The following CCDC13 variants were observed in gnomAD, a reference collection of about 807,000 sequenced individuals.
The protein encoded by CCDC13 is coiled-coil domain-containing protein 13.
Under a neutral mutation model 87.3 loss-of-function variants are expected in CCDC13, and 70 were observed. That is an observed-to-expected ratio of 0.80 (90% CI 0.66 to 0.98). The LOEUF (loss-of-function observed/expected upper bound fraction) is 0.98, where lower values mean the gene tolerates loss of function less well. CCDC13 is among the 50% of genes least tolerant of loss of function. The probability of loss-of-function intolerance (pLI) is 0.00; values close to 1 mark genes in which losing one functional copy is unlikely to be tolerated. For missense variants in CCDC13, 842 were observed against 892.0 expected (o/e 0.94, Z 0.71); for synonymous variants, 317 against 360.3 (o/e 0.88, Z 1.36).
intron 7 of CCDC13, among the ~76,000 whole-genome samples, chr3:42,744,599 A>T (rs1317083635): frequency 1.3e-5 from 2 of 151,996 alleles, no homozygotes; most frequent in African/African-American, 4.8e-5. Context: ...AGGTCAGGAG[A>T]TCGAGACCAT....
chr3:42,765,194 T>C (rs1699905662), intron 1 of CCDC13, among the ~76,000 whole-genome samples: 1 of 152,166 alleles, frequency 6.6e-6, no homozygotes, highest in Non-Finnish European at 1.5e-5. Flanking sequence ...TGAGATTAAG[T>C]GGAAGAATGC....
intron 1 of CCDC13, among the ~76,000 whole-genome samples, chr3:42,770,060 C>T (rs775451478): frequency 6.6e-6 from 1 of 152,266 alleles, no homozygotes; most frequent in African/African-American, 2.4e-5. Context: ...GGGCACACAG[C>T]GGGACTGGCC....
rs17074766 is a variant in CCDC13 at position 42,711,800 on chromosome 3, T to C, written c.1873+1362A>G. Among the ~76,000 whole-genome samples, 797 of 152,246 alleles carry C rather than the reference T, an allele frequency of 5.2e-3. 9 individuals are homozygous for C. Among genetic ancestry groups the C allele is most frequent in the African/African-American group, 0.018 (750 of 41,546 alleles). On this transcript the variant is annotated intron_variant, in intron 14 of 15. Coordinates refer to ENST00000310232, the MANE Select transcript of CCDC13 (RefSeq NM_144719.4). Reference sequence around the variant, plus strand: ...CACCAGAGGGGCAGGATTTTGCCCATGTTAAAAGCCAGTAGGCAGCAGAGG... The same window carrying C: ...CACCAGAGGGGCAGGATTTTGCCCACGTTAAAAGCCAGTAGGCAGCAGAGG...
intron 12 of CCDC13, among the ~76,000 whole-genome samples, chr3:42,731,988 G>A (rs755146869): frequency 5.2e-4 from 79 of 152,276 alleles, no homozygotes; most frequent in Non-Finnish European, 9.4e-4. Context: ...GCCTGGAAGG[G>A]GCTCGAAGGG....
chr3:42,759,101 G>T (rs570183975), intron 1 of CCDC13, among the ~76,000 whole-genome samples: 2 of 152,280 alleles, frequency 1.3e-5, no homozygotes, highest in South Asian at 2.1e-4. Context: ...TGAGTAGACT[G>T]CTTGAGACCA....
At chr3:42,735,082 G>A (rs1379880382) in intron 10 of CCDC13, among the ~76,000 whole-genome samples, 22 of 152,202 alleles carry the variant, frequency 1.4e-4, no homozygotes, top group African/African-American at 5.1e-4. Context: ...GTGCCTAGGA[G>A]GGGAACACAA....
At chr3:42,718,420 G>A (rs115135973) in intron 13 of CCDC13, among the ~76,000 whole-genome samples, 2,228 of 152,232 alleles carry the variant, frequency 0.015, 16 homozygotes, top group Middle Eastern at 0.041. Context: ...ATAAAAACGG[G>A]CAACCAGCAG....
chr3:42,752,876 G>T (rs984651407), intron 3 of CCDC13, among the ~76,000 whole-genome samples, 159 bp from the exon 4 acceptor site: 2 of 152,212 alleles, frequency 1.3e-5, no homozygotes, highest in African/African-American at 4.8e-5. Context: ...ATACCTAGCA[G>T]CCCTGGGACC....
chr3:42,717,191 T>G (rs563193822), intron 13 of CCDC13, among the ~76,000 whole-genome samples: 1 of 152,260 alleles, frequency 6.6e-6, no homozygotes, highest in African/African-American at 2.4e-5. Context: ...TTTGGGAGGC[T>G]GAAGCGGGTG....
chr3:42,709,935 T>C (rs75319101), intron 14 of CCDC13, 137 bp from the exon 15 acceptor site: 8,574 of 659,968 alleles, frequency 0.013, 156 homozygotes, highest in African/African-American at 0.061. Flanking sequence ...GCAGGGCAAC[T>C]CTGAGCTCTG....
chr3:42,742,820 G>A (rs1699261723), intron 8 of CCDC13, 76 bp downstream of exon 8: 2 of 1,556,352 alleles, frequency 1.3e-6, no homozygotes, highest in Non-Finnish European at 1.8e-6. Flanking sequence ...GACCACATGT[G>A]CCTCAGAGCC....
chr3:42,711,289 C>T (rs374460055), intron 14 of CCDC13, among the ~76,000 whole-genome samples: 19 of 145,002 alleles, frequency 1.3e-4, no homozygotes, highest in African/African-American at 4.4e-4. Context: ...CTGGTGGTGG[C>T]GAACTTGGGC....
chr3:42,733,668 C>A, intron 10 of CCDC13, 59 bp from the exon 11 acceptor site: 1 of 1,528,630 alleles, frequency 6.5e-7, no homozygotes, highest in Non-Finnish European at 8.8e-7. Flanking sequence ...CTAGAGAAGG[C>A]AGGAGGGGAT....
intron 3 of CCDC13, among the ~76,000 whole-genome samples, chr3:42,755,404 C>G (rs1394156897): frequency 6.6e-6 from 1 of 152,048 alleles, no homozygotes; most frequent in Non-Finnish European, 1.5e-5. Flanking sequence ...GTCAGCAGTT[C>G]GAGACCAGAC....
intron 2 of CCDC13, 115 bp from the exon 3 acceptor site, chr3:42,757,329 T>C (rs1699726790): frequency 3.1e-6 from 3 of 982,922 alleles, no homozygotes; most frequent in Admixed American, 5.2e-5. Flanking sequence ...CACACTGACG[T>C]GAAAGAAGAA....
At chr3:42,713,564 A>T (rs1315404509) in intron 13 of CCDC13, among the ~76,000 whole-genome samples, 3 of 152,150 alleles carry the variant, frequency 2.0e-5, no homozygotes, top group African/African-American at 4.8e-5. Flanking sequence ...AAAAGCAATC[A>T]CTTATAACAC....
intron 1 of CCDC13, among the ~76,000 whole-genome samples, chr3:42,767,085 G>T (rs1026685125): frequency 1.3e-5 from 2 of 151,772 alleles, no homozygotes; most frequent in East Asian, 1.9e-4. Context: ...GGAAATAAAA[G>T]ATATATATTT....
chr3:42,716,693 T>C (rs950254646), intron 13 of CCDC13, among the ~76,000 whole-genome samples: 6 of 152,180 alleles, frequency 3.9e-5, no homozygotes, highest in African/African-American at 7.2e-5. Flanking sequence ...AAATAAGTGT[T>C]GGTGAGGATA....
rs775680333 is a variant in CCDC13 at position 42,735,795 on chromosome 3, C to G, written c.1283G>C (p.Ser428Thr). 6.2e-7 allele frequency: 1 copy of G among 1,614,246 alleles called. No individual in the cohort carries two copies. Among genetic ancestry groups the G allele is most frequent in the Non-Finnish European group, 8.5e-7 (1 of 1,180,036 alleles). The stretch of plus-strand genomic sequence containing the variant: ...CATGGCCTGCAGCTGGGCGACTAGG[C>G]TGTTGCTCCGCTGAGCCTCGCTGTT... ...QLNSEAQRSN[S>T]LVAQLQAMVA... Residue 428 changes from serine (S) to threonine (T), a missense_variant, in exon 10 of 16, where the codon AGC (serine) becomes ACC (threonine). Transcript: ENST00000310232.
Sources: gnomAD v4.1 joint callset for allele counts (sites outside exome capture counted in the v4.1 genomes callset) on GRCh38, gnomAD v4.1.1 for gene constraint, MANE v1.5 for transcripts, NCBI Gene and HGNC (gene_info 2026-07-23, HGNC 2026-07-21) for gene names.